ATXN1: variants seen among roughly 807,000 people sequenced by gnomAD.
ATXN1 encodes ataxin-1.
Under a neutral mutation model 56.4 loss-of-function variants are expected in ATXN1, and 8 were observed. The ratio of observed to expected loss-of-function variants is 0.14; its 90% confidence interval spans 0.08 to 0.26. The LOEUF (loss-of-function observed/expected upper bound fraction) is 0.26. Among genes scored for constraint, ATXN1 ranks in the 10% least tolerant of loss-of-function variants. The pLI is 1.00. For missense variants in ATXN1, 987 were observed against 1,106.5 expected (o/e 0.89, Z 1.53); for synonymous variants, 514 against 494.6 (o/e 1.04, Z -0.52).
chr6:16,689,965 T>G (rs922434724), intron 2 of ATXN1, among the ~76,000 whole-genome samples: 2 of 152,278 alleles, frequency 1.3e-5, no homozygotes, highest in South Asian at 4.1e-4. Flanking sequence ...ATTTTTGTCT[T>G]CATTTGGAGT....
chr6:16,452,180 C>G (rs895732143), intron 6 of ATXN1, among the ~76,000 whole-genome samples: 1 of 152,090 alleles, frequency 6.6e-6, no homozygotes. Flanking sequence ...AAAAGAAACA[C>G]GATGTTTGGT....
At chr6:16,688,648 G>C (rs576142856) in intron 2 of ATXN1, among the ~76,000 whole-genome samples, 70 of 152,274 alleles carry the variant, frequency 4.6e-4, no homozygotes, top group African/African-American at 1.6e-3. Flanking sequence ...CCCAAAACAG[G>C]GTAATTGTGC....
chr6:16,555,267 C>A (rs572190560), intron 4 of ATXN1, among the ~76,000 whole-genome samples: 1 of 152,166 alleles, frequency 6.6e-6, no homozygotes, highest in South Asian at 2.1e-4. Context: ...ACTGCCTGAG[C>A]AACTGCTCTC....
chr6:16,662,247 A>C (rs545765022), intron 2 of ATXN1, among the ~76,000 whole-genome samples: 1 of 152,370 alleles, frequency 6.6e-6, no homozygotes, highest in South Asian at 2.1e-4. Flanking sequence ...TTAGGTGTGC[A>C]TGCCTGAAAT....
At chr6:16,692,462 G>A (rs1013841127) in intron 2 of ATXN1, among the ~76,000 whole-genome samples, 2 of 152,012 alleles carry the variant, frequency 1.3e-5, no homozygotes, top group African/African-American at 2.4e-5. Context: ...ATATAGGTAG[G>A]TACAATAATA....
intron 6 of ATXN1, among the ~76,000 whole-genome samples, chr6:16,481,865 C>A (rs562607108): frequency 1.4e-3 from 207 of 152,196 alleles, no homozygotes; most frequent in African/African-American, 4.4e-3. Context: ...GAGACAAAAC[C>A]ACCGCCGTTC....
At chr6:16,558,783 T>C (rs1254408825) in intron 4 of ATXN1, among the ~76,000 whole-genome samples, 1 of 152,022 alleles carries the variant, frequency 6.6e-6, no homozygotes, top group Admixed American at 6.6e-5. Context: ...AAAATAAAAA[T>C]CTGATAAATA....
At position 16,508,660 on chromosome 6, in the gene ATXN1, T is replaced by C. The variant is rs182852780; in HGVS notation, c.-299+13967A>G. ...GGACATAGAGAAACTGGAACCCTTG[T>C]GCACTGTTGGTAGAAATGCAAAGTG... On this transcript the variant is annotated intron_variant, in intron 5 of 7. Transcript: ENST00000436367. Among the ~76,000 whole-genome samples the C allele has an allele frequency of 8.5e-4, 129 of 152,338 alleles. 2 individuals are homozygous for C. In the East Asian group the frequency reaches 0.021, roughly 25 times the overall value.
rs115019946 is a variant in ATXN1 at position 16,384,886 on chromosome 6, T to C, written c.-160-56416A>G. Among the ~76,000 whole-genome samples the C allele has an allele frequency of 6.6e-3, 1,010 of 152,300 alleles. 8 individuals are homozygous for C. Among genetic ancestry groups the C allele is most frequent in the African/African-American group, 0.023 (961 of 41,564 alleles). On this transcript the variant is annotated intron_variant, in intron 6 of 7. Coordinates refer to ENST00000436367, the MANE Select transcript of ATXN1 (RefSeq NM_001128164.2). ...ATTATCCAGTCTCAGGTAGTTCTCA[T>C]AGCAATGTGAGAAGAGACTAATACA...
chr6:16,755,417 A>G (rs1318589079), intron 1 of ATXN1, among the ~76,000 whole-genome samples: 1 of 152,216 alleles, frequency 6.6e-6, no homozygotes, highest in Non-Finnish European at 1.5e-5. Flanking sequence ...GGAATACTCA[A>G]TATTTTTAAA....
At chr6:16,697,873 C>T (rs948933806) in intron 2 of ATXN1, among the ~76,000 whole-genome samples, 1 of 152,170 alleles carries the variant, frequency 6.6e-6, no homozygotes, top group Non-Finnish European at 1.5e-5. Context: ...ACTGTTTTCA[C>T]CAATAAATAG....
At chr6:16,567,812 A>G (rs1197526331) in intron 4 of ATXN1, among the ~76,000 whole-genome samples, 1 of 152,252 alleles carries the variant, frequency 6.6e-6, no homozygotes, top group East Asian at 1.9e-4. Context: ...TGTAAACTGC[A>G]AATTGGTTCC....
At chr6:16,481,261 C>T (rs1760433000) in intron 6 of ATXN1, among the ~76,000 whole-genome samples, 1 of 152,194 alleles carries the variant, frequency 6.6e-6, no homozygotes, top group Non-Finnish European at 1.5e-5. Context: ...TCTCTCCTGA[C>T]CCTCTTATCT....
chr6:16,692,030 G>C (rs11756606), intron 2 of ATXN1, among the ~76,000 whole-genome samples: 1 of 152,076 alleles, frequency 6.6e-6, no homozygotes, highest in Non-Finnish European at 1.5e-5. Context: ...TTGGGAGGCC[G>C]AGGCGGGCAG....
At chr6:16,634,662 T>A (rs1422333084) in intron 3 of ATXN1, among the ~76,000 whole-genome samples, 1 of 152,222 alleles carries the variant, frequency 6.6e-6, no homozygotes, top group Middle Eastern at 3.2e-3. Flanking sequence ...TTCATATAAA[T>A]GAAATTGAAG....
intron 6 of ATXN1, among the ~76,000 whole-genome samples, chr6:16,343,666 C>A (rs1761308766): frequency 6.6e-6 from 1 of 152,166 alleles, no homozygotes; most frequent in Non-Finnish European, 1.5e-5. Context: ...TGCCTCTTCT[C>A]CCCTGATTCT....
chr6:16,591,965 C>T (rs1160827447), intron 3 of ATXN1, among the ~76,000 whole-genome samples: 3 of 152,110 alleles, frequency 2.0e-5, no homozygotes, highest in Non-Finnish European at 4.4e-5. Context: ...AGTCATGCTG[C>T]GCATTTTCCT....
chr6:16,617,431 A>T lies in ATXN1; in HGVS notation c.-488-31524T>A, dbSNP rs1365011591. Among the ~76,000 whole-genome samples, 4 of 152,178 alleles carry T rather than the reference A, an allele frequency of 2.6e-5. No homozygotes were observed. The East Asian group carries it at 7.7e-4, about 29-fold the overall frequency. ...AAATAGCTAATAAATGCTGAAAAAA[A>T]ATATATGAAAGAATCTAATTATATT... On this transcript the variant is annotated intron_variant, in intron 3 of 7. Transcript: ENST00000436367.
At chr6:16,470,938 C>T (rs1760204562) in intron 6 of ATXN1, among the ~76,000 whole-genome samples, 1 of 152,122 alleles carries the variant, frequency 6.6e-6, no homozygotes, top group Non-Finnish European at 1.5e-5. Context: ...CTCAACAAGA[C>T]TGTTTTTCTC....
Sources: allele counts gnomAD v4.1 joint callset (sites outside exome capture counted in the v4.1 genomes callset), GRCh38; gene constraint gnomAD v4.1.1; transcripts MANE v1.5; gene names NCBI Gene and HGNC (gene_info 2026-07-23, HGNC 2026-07-21).